The following GKAP1 variants were observed in gnomAD, a reference collection of about 807,000 sequenced individuals.
The protein encoded by GKAP1 is G kinase-anchoring protein 1.
GKAP1 carries 31 observed loss-of-function variants against 56.7 expected under a neutral mutation model. The observed-to-expected ratio is 0.55, with a 90% CI of 0.41 to 0.74. GKAP1 has a LOEUF of 0.74. Among genes scored for constraint, GKAP1 ranks in the 30% least tolerant of loss-of-function variants. The probability of loss-of-function intolerance (pLI) is 0.00; values close to 1 mark genes in which losing one functional copy is unlikely to be tolerated. For missense variants in GKAP1, 364 were observed against 402.3 expected (o/e 0.90, Z 0.82); for synonymous variants, 151 against 138.6 (o/e 1.09, Z -0.63).
rs765750043 is a variant in GKAP1, at chr9:83,799,338, A to C, written c.217-10T>G. 3.0e-5 allele frequency: 47 copies of C among 1,556,676 alleles called. No individual in the cohort carries two copies. Among genetic ancestry groups the C allele is most frequent in the Non-Finnish European group, 3.8e-5 (44 of 1,155,834 alleles). ...AAGCAAGATTCCTGAGCTATAAAAC[A>C]AACAAAAAATATATTAAATTCAGTT... On this transcript the variant is annotated splice_polypyrimidine_tract_variant and intron_variant, in intron 3 of 12. Coordinates refer to ENST00000376371, the MANE Select transcript of GKAP1 (RefSeq NM_025211.4).
intron 2 of GKAP1, among the ~76,000 whole-genome samples, chr9:83,814,851 G>C (rs1336619376): frequency 6.6e-6 from 1 of 152,236 alleles, no homozygotes; most frequent in Non-Finnish European, 1.5e-5. Flanking sequence ...AACCAATTTT[G>C]TCTAGGAAGC....
chr9:83,777,640 CTGATT>C (rs1024306643), intron 7 of GKAP1, among the ~76,000 whole-genome samples: 12 of 151,656 alleles, frequency 7.9e-5, no homozygotes. Flanking sequence ...CAATAAATAT[CTGATT>C]TAAGGGGAGG....
chr9:83,746,696 A>AAAAT (rs529937845), intron 10 of GKAP1, among the ~76,000 whole-genome samples: 140 of 143,420 alleles, frequency 9.8e-4, no homozygotes, highest in South Asian at 2.1e-3. Context: ...TCCTTCTCAA[A>AAAAT]AAATAAATAA....
intron 8 of GKAP1, among the ~76,000 whole-genome samples, chr9:83,764,815 G>A (rs1385247766): frequency 6.6e-6 from 1 of 152,198 alleles, no homozygotes; most frequent in Non-Finnish European, 1.5e-5. Context: ...CTTCAGAGAG[G>A]TGACTTAGCG....
rs772313180 is a variant in GKAP1 at position 83,794,776 on chromosome 9, G to A, written c.360+4409C>T. Among the ~76,000 whole-genome samples the A allele has an allele frequency of 3.2e-3, 479 of 150,600 alleles. 5 individuals carry two copies. The highest frequency in any genetic ancestry group is 3.5e-3 in the Middle Eastern group (1 of 288). ...ATCATGCATAAAGCAGATTATACCT[G>A]AAAAACATCTACACAGAGATTTATT... On this transcript the variant is annotated intron_variant, in intron 4 of 12. Coordinates refer to ENST00000376371, the MANE Select transcript of GKAP1 (RefSeq NM_025211.4).
intron 4 of GKAP1, chr9:83,792,968 T>C (rs995913218): frequency 7.9e-7 from 1 of 1,262,928 alleles, no homozygotes; most frequent in Non-Finnish European, 1.0e-6. Flanking sequence ...CAAGATGGAG[T>C]ACTTCAGATC....
At chr9:83,803,464 G>C (rs1013037646) in intron 3 of GKAP1, among the ~76,000 whole-genome samples, 1 of 152,166 alleles carries the variant, frequency 6.6e-6, no homozygotes, top group African/African-American at 2.4e-5. Flanking sequence ...TGTGTTGGCC[G>C]GGCTGGTCTC....
chr9:83,750,070 A>G (rs1943362820), intron 9 of GKAP1, among the ~76,000 whole-genome samples: 1 of 152,208 alleles, frequency 6.6e-6, no homozygotes, highest in Non-Finnish European at 1.5e-5. Context: ...CTCTGGCTCA[A>G]GCCTTTGTTC....
intron 10 of GKAP1, among the ~76,000 whole-genome samples, chr9:83,743,705 A>C (rs538328034): frequency 6.6e-6 from 1 of 152,184 alleles, no homozygotes; most frequent in Non-Finnish European, 1.5e-5. Flanking sequence ...TTTTCATACC[A>C]ATAAGGCAAT....
chr9:83,747,635 C>T (rs1050929631), intron 10 of GKAP1, among the ~76,000 whole-genome samples: 1 of 150,726 alleles, frequency 6.6e-6, no homozygotes, highest in African/African-American at 2.5e-5. Flanking sequence ...CAGCAACTAT[C>T]CAGCATTTTT....
intron 7 of GKAP1, among the ~76,000 whole-genome samples, chr9:83,779,353 T>C (rs192753730): frequency 1.3e-5 from 2 of 150,772 alleles, no homozygotes; most frequent in Non-Finnish European, 3.0e-5. Context: ...ATGTGATTTT[T>C]TTTAAGAGAT....
intron 8 of GKAP1, among the ~76,000 whole-genome samples, chr9:83,762,029 A>T (rs1943581126): frequency 6.6e-6 from 1 of 152,192 alleles, no homozygotes; most frequent in Admixed American, 6.5e-5. Flanking sequence ...CCTGTTATTC[A>T]ACGTAGTACT....
At chr9:83,798,791 C>G (rs566225987) in intron 4 of GKAP1, among the ~76,000 whole-genome samples, 1 of 152,114 alleles carries the variant, frequency 6.6e-6, no homozygotes, top group Non-Finnish European at 1.5e-5. Flanking sequence ...GCTGGGATTA[C>G]AGGTGTGAGC....
intron 8 of GKAP1, among the ~76,000 whole-genome samples, chr9:83,759,780 T>C (rs1311758627): frequency 2.0e-5 from 3 of 152,314 alleles, no homozygotes; most frequent in Admixed American, 1.3e-4. Flanking sequence ...ATATCCTTCC[T>C]AATAATTAGT....
intron 7 of GKAP1, 86 bp from the exon 8 acceptor site, chr9:83,769,056 G>T: frequency 1.0e-6 from 1 of 1,003,840 alleles, no homozygotes; most frequent in Non-Finnish European, 1.5e-6. Flanking sequence ...GAAGGGATAT[G>T]CATTTAGTAC....
chr9:83,782,133 T>C (rs1943984049), intron 6 of GKAP1, among the ~76,000 whole-genome samples: 1 of 151,242 alleles, frequency 6.6e-6, no homozygotes, highest in Non-Finnish European at 1.5e-5. Flanking sequence ...TGAGCCACTG[T>C]GCCCAGCCAC....
chr9:83,803,621 C>T (rs1223181849), intron 3 of GKAP1, among the ~76,000 whole-genome samples: 4 of 152,208 alleles, frequency 2.6e-5, no homozygotes, highest in Admixed American at 6.5e-5. Flanking sequence ...ATCTCCCAGC[C>T]GCCTGCCTTG....
intron 2 of GKAP1, among the ~76,000 whole-genome samples, chr9:83,815,993 C>T (rs1237444799): frequency 6.9e-6 from 1 of 145,378 alleles, no homozygotes; most frequent in Non-Finnish European, 1.5e-5. Context: ...CCAGACCAGC[C>T]TGGCCAACAA....
At chr9:83,757,043 C>G (rs1296641836) in intron 8 of GKAP1, among the ~76,000 whole-genome samples, 2 of 152,112 alleles carry the variant, frequency 1.3e-5, no homozygotes, top group Non-Finnish European at 2.9e-5. Context: ...GCTCTGTAAT[C>G]TATTAAAAAT....
Sources: allele counts gnomAD v4.1 joint callset (sites outside exome capture counted in the v4.1 genomes callset), GRCh38; gene constraint gnomAD v4.1.1; transcripts MANE v1.5; gene names NCBI Gene and HGNC (gene_info 2026-07-23, HGNC 2026-07-21).